The following ALG8 variants were observed in gnomAD, a reference collection of about 807,000 sequenced individuals.
ALG8 encodes the protein dolichyl pyrophosphate Glc1Man9GlcNAc2 alpha-1,3-glucosyltransferase.
Under a neutral mutation model 70.2 loss-of-function variants are expected in ALG8, and 48 were observed. That is an observed-to-expected ratio of 0.68 (90% CI 0.54 to 0.87). The LOEUF (loss-of-function observed/expected upper bound fraction) is 0.87, where lower values mean the gene tolerates loss of function less well. ALG8 is among the 40% of genes least tolerant of loss of function. The pLI is 0.00. For synonymous variants in ALG8, 234 were observed against 229.0 expected (o/e 1.02, Z -0.20); for missense variants, 572 against 608.7 (o/e 0.94, Z 0.64).
At chr11:78,101,258 C>G in intron 12 of ALG8, 63 bp from the exon 13 acceptor site, 1 of 1,377,630 alleles carries the variant, frequency 7.3e-7, no homozygotes, top group Admixed American at 1.9e-5. Context: ...GCAAACATTT[C>G]CTAGCTAAAG....
chr11:78,126,692 A>G (rs1211649008), intron 2 of ALG8, among the ~76,000 whole-genome samples: 1 of 152,322 alleles, frequency 6.6e-6, no homozygotes, highest in East Asian at 1.9e-4. Context: ...ACAGGATCTT[A>G]GAAATAATTC....
intron 9 of ALG8, 75 bp from the exon 10 acceptor site, chr11:78,107,021 C>A: frequency 6.5e-7 from 1 of 1,539,332 alleles, no homozygotes; most frequent in Non-Finnish European, 8.9e-7. Flanking sequence ...CAGGTGAATA[C>A]AATTTGCATC....
rs370987827 is a variant in ALG8, at chr11:78,112,786, A to G, written c.778-16T>C. 3.8e-5 allele frequency: 61 copies of G among 1,612,398 alleles called. No homozygotes were observed. Among genetic ancestry groups the G allele is most frequent in the Non-Finnish European group, 5.0e-5 (59 of 1,179,030 alleles). ...GCAGCTGATTCTGTTGAAAAGAGAA[A>G]TGAAACTGATTAAACAGTCATCAAT... On this transcript the variant is annotated splice_polypyrimidine_tract_variant and intron_variant, in intron 7 of 12. Transcript: ENST00000299626.
chr11:78,127,556 T>A, intron 1 of ALG8, 120 bp from the exon 2 acceptor site: 1 of 843,584 alleles, frequency 1.2e-6, no homozygotes, highest in South Asian at 1.4e-5. Flanking sequence ...CACTGTCCTA[T>A]AGAGACACAA....
At chr11:78,111,572 A>C (rs1308405952) in intron 8 of ALG8, among the ~76,000 whole-genome samples, 1 of 152,250 alleles carries the variant, frequency 6.6e-6, no homozygotes, top group East Asian at 1.9e-4. Flanking sequence ...ACAGCACTGA[A>C]GTATGAATGG....
chr11:78,103,886 A>G, intron 12 of ALG8, 94 bp downstream of exon 12: 1 of 696,006 alleles, frequency 1.4e-6, no homozygotes, highest in Non-Finnish European at 2.4e-6. Flanking sequence ...TATTACTGTT[A>G]TAACTTAAAA....
intron 3 of ALG8, 111 bp from the exon 4 acceptor site, chr11:78,121,285 TTC>T: frequency 5.2e-6 from 4 of 765,432 alleles, no homozygotes; most frequent in South Asian, 1.6e-5. Flanking sequence ...CTACATGCCA[TTC>T]TTTTTTTTTT....
chr11:78,133,166 T>G (rs1861380701), intron 1 of ALG8, among the ~76,000 whole-genome samples: 1 of 152,198 alleles, frequency 6.6e-6, no homozygotes. Flanking sequence ...CAAATTGTAG[T>G]TATGTAACTA....
intron 5 of ALG8, among the ~76,000 whole-genome samples, chr11:78,117,463 T>C (rs981728809): frequency 1.3e-5 from 2 of 151,958 alleles, no homozygotes; most frequent in African/African-American, 2.4e-5. Context: ...TCCCAGAGAC[T>C]CAGAAGCAGA....
In ALG8 at chr11:78,101,179, A is replaced by T; in HGVS notation, c.1366T>A (p.Phe456Ile). ...KTLFRKEKPLFNWMETFYLLG... is the reference protein window; with the variant it reads ...KTLFRKEKPLINWMETFYLLG... The stretch of plus-strand genomic sequence containing the variant: ...AGGTAGAAAGTTTCCATCCAATTAA[A>T]AAGAGGTTTTTCTTTTCTGAAGGAA... The change falls in exon 13 of 13, where the codon TTT becomes ATT. Residue 456 changes from phenylalanine to isoleucine, a missense_variant. Phe to Ile is a conservative substitution (Grantham distance 21, BLOSUM62 0). Transcript: ENST00000299626. 6.2e-7 allele frequency: 1 copy of T among 1,614,012 alleles called. No individual in the cohort carries two copies. The highest frequency in any genetic ancestry group is 8.5e-7 in the Non-Finnish European group (1 of 1,179,902).
chr11:78,112,322 A>T, intron 8 of ALG8: 1 of 342,488 alleles, frequency 2.9e-6, no homozygotes, highest in Non-Finnish European at 5.7e-6. Context: ...GAAGGGGGGA[A>T]AAAAAGCAGG....
In ALG8 at chr11:78,109,122, T is replaced by C. The variant is rs10751281; in HGVS notation, c.1038+320A>G. Among the ~76,000 whole-genome samples the C allele has an allele frequency of 0.37, 56,921 of 152,004 alleles. 11,706 individuals are homozygous for C. The highest frequency in any genetic ancestry group is 0.45 in the Non-Finnish European group (30,912 of 67,950). ...AAAACAAACCAAATCTGGATGTCCC[T>C]GCCACAAACATTTCCTTCTTTCTCT... On this transcript the variant is annotated intron_variant, in intron 9 of 12. Transcript: ENST00000299626.
rs756894409 is a variant in ALG8, at chr11:78,124,019, A to C, written c.368+2T>G. ...ATACAAAATGACATGCTCCAGACTT[A>C]CTCACGGACAGCATACACAAAGAGT... On this transcript the variant is annotated splice_donor_variant, in intron 3 of 12. Transcript: ENST00000299626. LOFTEE classifies it high-confidence loss of function. 16 of 1,614,006 alleles carry C rather than the reference A, an allele frequency of 9.9e-6. No individual in the cohort carries two copies. Among genetic ancestry groups the C allele is most frequent in the Non-Finnish European group, 1.4e-5 (16 of 1,180,022 alleles).
At chr11:78,103,906 A>G (rs562413852) in intron 12 of ALG8, 74 bp downstream of exon 12, 29 of 818,420 alleles carry the variant, frequency 3.5e-5, no homozygotes, top group Middle Eastern at 5.0e-4. Flanking sequence ...AATAAAATTT[A>G]AAGAGCTTAT....
At chr11:78,129,708 A>G (rs1479355915) in intron 1 of ALG8, among the ~76,000 whole-genome samples, 1 of 152,128 alleles carries the variant, frequency 6.6e-6, no homozygotes, top group Non-Finnish European at 1.5e-5. Context: ...ATGTGATGTC[A>G]TCACTCTGAA....
chr11:78,119,315 G>A, intron 4 of ALG8, 66 bp from the exon 5 acceptor site: 1 of 1,182,882 alleles, frequency 8.5e-7, no homozygotes, highest in South Asian at 1.2e-5. Context: ...CCAGCTGATG[G>A]AGTATAGAAA....
At chr11:78,125,770 T>C (rs1369206390) in intron 2 of ALG8, among the ~76,000 whole-genome samples, 1 of 151,892 alleles carries the variant, frequency 6.6e-6, no homozygotes, top group Non-Finnish European at 1.5e-5. Flanking sequence ...GATCGTGCCA[T>C]TGCACTCCGG....
intron 5 of ALG8, among the ~76,000 whole-genome samples, chr11:78,116,134 TGGATCACTTGA>T (rs1162430675): frequency 1.3e-5 from 2 of 151,730 alleles, no homozygotes; most frequent in African/African-American, 4.8e-5. Context: ...CCGAGGCGGG[TGGATCACTTGA>T]GGTCAGGAGT....
chr11:78,138,516 A>T (rs571401459), intron 1 of ALG8, among the ~76,000 whole-genome samples: 3 of 152,322 alleles, frequency 2.0e-5, no homozygotes, highest in Admixed American at 6.5e-5. Flanking sequence ...ATCAGTATGG[A>T]CTTACATTCT....
Sources: allele counts gnomAD v4.1 joint callset (sites outside exome capture counted in the v4.1 genomes callset), GRCh38; gene constraint gnomAD v4.1.1; transcripts MANE v1.5; gene names NCBI Gene and HGNC (gene_info 2026-07-23, HGNC 2026-07-21).